The following CHD2 variants were observed in gnomAD, a reference collection of about 807,000 sequenced individuals.
The protein encoded by CHD2 is chromodomain helicase DNA binding protein 2, also known as ATP-dependent chromatin remodeler CHD2.
Under a neutral mutation model 243.9 loss-of-function variants are expected in CHD2, and 28 were observed. That is an observed-to-expected ratio of 0.11 (90% confidence interval 0.09 to 0.16). The LOEUF is 0.16. Ranked by LOEUF, CHD2 falls within the 10% of genes least tolerant of loss-of-function variation. CHD2 has a pLI of 1.00. For synonymous variants in CHD2, 775 were observed against 779.0 expected (o/e 0.99, Z 0.09); for missense variants, 1,386 against 2,209.8 (o/e 0.63, Z 7.47).
chr15:93,022,295 A>T (rs2054543499), intron 38 of CHD2: 1 of 152,226 alleles, frequency 6.6e-6, no homozygotes, highest in Admixed American at 6.5e-5. Flanking sequence ...GGAGCAAGAG[A>T]GAGAGGAGGA....
intron 2 of CHD2, among the ~76,000 whole-genome samples, chr15:92,916,389 C>G (rs922231690): frequency 6.6e-6 from 1 of 152,184 alleles, no homozygotes; most frequent in Non-Finnish European, 1.5e-5. Context: ...CATTTAGTTG[C>G]ATAGTGTGAA....
intron 26 of CHD2, 45 bp from the exon 27 acceptor site, chr15:92,991,431 G>T (rs1437451953): frequency 7.0e-7 from 1 of 1,422,794 alleles, no homozygotes; most frequent in African/African-American, 1.4e-5. Context: ...CATAACTAAA[G>T]TAAGTCTCTG....
chr15:92,985,609 A>C lies in CHD2; in HGVS notation c.3349A>C (p.Arg1117=), dbSNP rs777803897. 5 of 1,613,934 alleles carry C rather than the reference A, an allele frequency of 3.1e-6. No individual in the cohort carries two copies. The highest frequency in any genetic ancestry group is 4.2e-6 in the Non-Finnish European group (5 of 1,180,036). Residue 1117 remains arginine, a synonymous_variant, in exon 26 of 39, where the codon AGA becomes CGA. Transcript: ENST00000394196. ...DSDDDKKPKR[R]GRPRSVRKDL... is the part of the protein sequence containing the mutation. The stretch of plus-strand genomic sequence containing the variant: ...TGATGATGACAAGAAGCCAAAGCGC[A>C]GAGGGCGTCCGAGGAGTGTGCGGAA...
intron 16 of CHD2, among the ~76,000 whole-genome samples, chr15:92,965,579 A>C (rs1358535998): frequency 1.5e-4 from 6 of 38,992 alleles, no homozygotes; most frequent in Non-Finnish European, 5.2e-4. Context: ...AAAAAAAAAA[A>C]AAAAAAAAAA....
chr15:92,917,581 G>C (rs745372849), intron 2 of CHD2, among the ~76,000 whole-genome samples: 3 of 151,510 alleles, frequency 2.0e-5, no homozygotes, highest in Non-Finnish European at 4.4e-5. Flanking sequence ...CAAGCAAAAA[G>C]AAAAAAAAGG....
At chr15:93,011,635 AGATATGAGACTC>A (rs1281829476) in intron 35 of CHD2, among the ~76,000 whole-genome samples, 1 of 152,142 alleles carries the variant, frequency 6.6e-6, no homozygotes, top group East Asian at 1.9e-4. Context: ...AAGTTTGAGA[AGATATGAGACTC>A]CTTTATCTGG....
rs2054570418 is a variant in CHD2, at chr15:93,024,550, C to T, written c.5332C>T (p.Pro1778Ser). The change falls in exon 39 of 39, where the codon CCC becomes TCC. Residue 1778 changes from proline (P) to serine (S), a missense_variant. Pro to Ser is a moderately conservative substitution (Grantham distance 74, BLOSUM62 -1). Coordinates refer to ENST00000394196, the MANE Select transcript of CHD2 (RefSeq NM_001271.4). ...ACTGGGGGAATATAAACAGCCTCTA[C>T]CCCCATTGCACCCTGCAGTCTCAGA... ...DKLGEYKQPL[P>S]PLHPAVSDPR... 1 of 1,614,220 alleles carries T rather than the reference C, an allele frequency of 6.2e-7. No homozygotes were observed. Among genetic ancestry groups the T allele is most frequent in the South Asian group, 1.1e-5 (1 of 91,088 alleles).
intron 2 of CHD2, among the ~76,000 whole-genome samples, chr15:92,916,755 T>C (rs1226707008): frequency 6.6e-6 from 1 of 152,188 alleles, no homozygotes; most frequent in Non-Finnish European, 1.5e-5. Flanking sequence ...GGTTTCACCA[T>C]GTGGTCCAGG....
At chr15:93,017,307 T>C (rs575888621) in intron 37 of CHD2, among the ~76,000 whole-genome samples, 1 of 143,902 alleles carries the variant, frequency 6.9e-6, no homozygotes. Flanking sequence ...TTAGCTGCTC[T>C]TTGATGCCTT....
At position 93,025,169 on chromosome 15, in the gene CHD2, A is replaced by G; in HGVS notation, c.*464A>G. 1 of 160,374 alleles carries G rather than the reference A, an allele frequency of 6.2e-6. No individual in the cohort carries two copies. Among genetic ancestry groups the G allele is most frequent in the Non-Finnish European group, 1.4e-5 (1 of 73,392 alleles). The allele number at this position is 160,374 out of a possible 1,614,324, so 9.9% of individuals were successfully genotyped here. On this transcript the variant is annotated 3_prime_UTR_variant, in exon 39 of 39. Transcript: ENST00000394196. The stretch of plus-strand genomic sequence containing the variant: ...TTTGGTTGATTTGGTTCACTCTGAC[A>G]TGATGGATGCTGCTGATGGGGAGTG...
chr15:92,974,629 T>C, intron 19 of CHD2: 1 of 380,150 alleles, frequency 2.6e-6, no homozygotes, highest in South Asian at 2.9e-5. Flanking sequence ...GCAGCCATTC[T>C]GATCCTTGGC....
intron 26 of CHD2, among the ~76,000 whole-genome samples, chr15:92,989,400 A>G (rs1004254260): frequency 2.0e-5 from 3 of 152,090 alleles, no homozygotes. Context: ...ATCATATGGC[A>G]ACTCTGGAAA....
At position 92,972,358 on chromosome 15, in the gene CHD2, A is replaced by G; in HGVS notation, c.2446A>G (p.Met816Val). Residue 816 changes from methionine to valine, a missense_variant, in exon 19 of 39, where the codon ATG becomes GTG. Met to Val is a conservative substitution (Grantham distance 21, BLOSUM62 1). This residue lies in a region of CHD2 where 118 missense variants were observed against 266.3 expected (regional missense o/e 0.44). Coordinates refer to ENST00000394196, the MANE Select transcript of CHD2 (RefSeq NM_001271.4). Reference protein sequence around the residue: ...RGNRVLIFSQMVRMLDILAEY... With the variant: ...RGNRVLIFSQVVRMLDILAEY... ...GAATCGAGTGCTTATCTTCTCTCAG[A>G]TGGTGAGAATGTTGGATATCCTGGC... 1 of 1,612,354 alleles carries G rather than the reference A, an allele frequency of 6.2e-7. No homozygotes were observed. Among genetic ancestry groups the G allele is most frequent in the Non-Finnish European group, 8.5e-7 (1 of 1,179,364 alleles).
At chr15:92,934,297 G>A (rs1286965212) in intron 5 of CHD2, among the ~76,000 whole-genome samples, 1 of 152,158 alleles carries the variant, frequency 6.6e-6, no homozygotes, top group Non-Finnish European at 1.5e-5. Flanking sequence ...CATTTAAATT[G>A]CATTTTGACT....
At chr15:92,955,097 G>A (rs1260871176) in intron 14 of CHD2, among the ~76,000 whole-genome samples, 3 of 152,080 alleles carry the variant, frequency 2.0e-5, no homozygotes, top group Non-Finnish European at 4.4e-5. Context: ...AAATTTCTAA[G>A]GATCTGGGAG....
chr15:92,978,822 G>A (rs1243615773), intron 21 of CHD2, among the ~76,000 whole-genome samples: 1 of 152,166 alleles, frequency 6.6e-6, no homozygotes, highest in Non-Finnish European at 1.5e-5. Flanking sequence ...TAACCCGTAA[G>A]TTTCATTCTT....
At chr15:92,916,835 A>AG (rs1264069731) in intron 2 of CHD2, among the ~76,000 whole-genome samples, 17 of 152,312 alleles carry the variant, frequency 1.1e-4, no homozygotes, top group African/African-American at 4.1e-4. Context: ...TACAGGCATG[A>AG]GCTACTGCTC....
intron 37 of CHD2, 117 bp from the exon 38 acceptor site, chr15:93,019,895 T>C (rs941322786): frequency 8.0e-7 from 1 of 1,244,874 alleles, no homozygotes; most frequent in Non-Finnish European, 1.1e-6. Context: ...ATCGTGCCAC[T>C]GCACTCCAGC....
chr15:92,922,514 G>A (rs751877830), intron 2 of CHD2, among the ~76,000 whole-genome samples: 4 of 152,054 alleles, frequency 2.6e-5, no homozygotes, highest in Non-Finnish European at 2.9e-5. Context: ...GCTGTGGATC[G>A]CATGGTGTTA....
Sources: gnomAD v4.1 joint callset for allele counts (sites outside exome capture counted in the v4.1 genomes callset) on GRCh38, gnomAD v4.1.1 for gene constraint, gnomAD v4.1.1 regional missense constraint, MANE v1.5 for transcripts, NCBI Gene and HGNC (gene_info 2026-07-23, HGNC 2026-07-21) for gene names.